Variants in PDE10A observed in about 807,000 individuals in gnomAD.
PDE10A encodes cAMP and cAMP-inhibited cGMP 3',5'-cyclic phosphodiesterase 10A.
A neutral mutation model predicts 97.7 loss-of-function variants in PDE10A; 39 were observed. That is an observed-to-expected ratio of 0.40 (90% confidence interval 0.31 to 0.52). The LOEUF (loss-of-function observed/expected upper bound fraction) is 0.52. Among genes scored for constraint, PDE10A ranks in the 20% least tolerant of loss-of-function variants. The pLI is 0.56. For missense variants in PDE10A, 731 were observed against 1,047.8 expected (o/e 0.70, Z 4.17); for synonymous variants, 371 against 376.8 (o/e 0.98, Z 0.18).
At chr6:165,959,089 G>A (rs1405241228) in intron 1 of PDE10A, among the ~76,000 whole-genome samples, 1 of 152,190 alleles carries the variant, frequency 6.6e-6, no homozygotes, top group Non-Finnish European at 1.5e-5. Context: ...GTTTCCTTCT[G>A]AACATAGCAG....
At chr6:165,622,584 GACC>G (rs1019803580) in intron 1 of PDE10A, among the ~76,000 whole-genome samples, 4 of 152,134 alleles carry the variant, frequency 2.6e-5, no homozygotes, top group South Asian at 4.1e-4. Flanking sequence ...AATCTTATGT[GACC>G]ACCATCATAT....
At chr6:165,784,275 C>T (rs900069450) in intron 1 of PDE10A, among the ~76,000 whole-genome samples, 9 of 151,934 alleles carry the variant, frequency 5.9e-5, no homozygotes, top group Non-Finnish European at 1.2e-4. Context: ...GCCTTTAACT[C>T]AGTGGACGTG....
chr6:165,600,393 G>C (rs796981712), intron 1 of PDE10A, among the ~76,000 whole-genome samples: 4 of 152,346 alleles, frequency 2.6e-5, no homozygotes, highest in African/African-American at 9.6e-5. Context: ...AGTTCCAACT[G>C]AACCCAATGA....
intron 1 of PDE10A, among the ~76,000 whole-genome samples, chr6:165,676,248 G>A (rs1208369498): frequency 6.6e-6 from 1 of 152,210 alleles, no homozygotes; most frequent in Non-Finnish European, 1.5e-5. Flanking sequence ...GTGGGAGGGA[G>A]GTGGGGGATA....
intron 8 of PDE10A, 54 bp downstream of exon 8, chr6:165,431,368 C>G: frequency 8.0e-7 from 1 of 1,252,760 alleles, no homozygotes. Flanking sequence ...ATGCCTCACT[C>G]CAAAAACCTC....
chr6:165,888,920 G>T (rs1174910902), intron 1 of PDE10A, among the ~76,000 whole-genome samples: 1 of 152,196 alleles, frequency 6.6e-6, no homozygotes, highest in African/African-American at 2.4e-5. Flanking sequence ...CCACATCTGT[G>T]AACATGGCAG....
chr6:165,872,877 G>C (rs537325790), intron 1 of PDE10A, among the ~76,000 whole-genome samples: 1 of 152,268 alleles, frequency 6.6e-6, no homozygotes, highest in Admixed American at 6.5e-5. Flanking sequence ...TGTGCTTGTG[G>C]ACATCCCCAG....
intron 1 of PDE10A, among the ~76,000 whole-genome samples, chr6:165,820,213 C>A (rs562125853): frequency 4.6e-5 from 7 of 152,110 alleles, no homozygotes; most frequent in Non-Finnish European, 8.8e-5. Flanking sequence ...AATGTTCTAA[C>A]GGAATTATTA....
intron 1 of PDE10A, among the ~76,000 whole-genome samples, chr6:165,944,819 A>T (rs1483800668): frequency 6.6e-6 from 1 of 152,200 alleles, no homozygotes; most frequent in East Asian, 1.9e-4. Flanking sequence ...TCACTGTGCA[A>T]AGAAAATTTT....
intron 1 of PDE10A, among the ~76,000 whole-genome samples, chr6:165,918,637 T>C (rs1233385824): frequency 6.6e-6 from 1 of 152,278 alleles, no homozygotes; most frequent in African/African-American, 2.4e-5. Context: ...TATGTGCCTA[T>C]AGTAGCTCAT....
At chr6:165,646,762 A>G (rs1035889051) in intron 1 of PDE10A, among the ~76,000 whole-genome samples, 1 of 151,366 alleles carries the variant, frequency 6.6e-6, no homozygotes, top group South Asian at 2.1e-4. Context: ...ACAGCTGCAC[A>G]ATGGACGCCT....
At chr6:165,913,895 A>C (rs1211009774) in intron 1 of PDE10A, among the ~76,000 whole-genome samples, 4 of 152,234 alleles carry the variant, frequency 2.6e-5, no homozygotes, top group Non-Finnish European at 5.9e-5. Flanking sequence ...TTTCGCAAAG[A>C]GATTTTATCT....
chr6:165,943,254 G>A (rs182966612), intron 1 of PDE10A, among the ~76,000 whole-genome samples: 2,975 of 70,702 alleles, frequency 0.042, 190 homozygotes, highest in East Asian at 0.083. Context: ...AAGGAAGGAA[G>A]GAAGGAAGGA....
intron 1 of PDE10A, among the ~76,000 whole-genome samples, chr6:165,933,181 A>G (rs1258057417): frequency 6.6e-6 from 1 of 152,162 alleles, no homozygotes; most frequent in African/African-American, 2.4e-5. Context: ...ATGGCTTTAC[A>G]GGGTGTCTAG....
intron 1 of PDE10A, among the ~76,000 whole-genome samples, chr6:165,592,892 A>C (rs528533964): frequency 6.6e-6 from 1 of 152,160 alleles, no homozygotes; most frequent in South Asian, 2.1e-4. Flanking sequence ...TCAGTGTGGC[A>C]ATTCCTCAGG....
At position 165,331,692 on chromosome 6, in the gene PDE10A, G is replaced by A. The variant is rs1374727706; in HGVS notation, c.*1333C>T. On this transcript the variant is annotated 3_prime_UTR_variant, in exon 22 of 22. Transcript: ENST00000539869. ...TTTAAATTATTAAAATGCGCCAGAAGTGACTGCTTTATCATCTTTGTAGGA... is the reference window on the plus strand; with the variant it reads ...TTTAAATTATTAAAATGCGCCAGAAATGACTGCTTTATCATCTTTGTAGGA... 1 of 152,218 alleles carries A rather than the reference G, an allele frequency of 6.6e-6. No homozygotes were observed. The highest frequency in any genetic ancestry group is 2.4e-5 in the African/African-American group (1 of 41,456). 9.4% of individuals were successfully genotyped at this position (152,218 alleles called of 1,614,324 possible).
intron 1 of PDE10A, among the ~76,000 whole-genome samples, chr6:165,742,067 C>T (rs1424011637): frequency 1.3e-5 from 2 of 152,122 alleles, no homozygotes; most frequent in Admixed American, 1.3e-4. Flanking sequence ...TTATCAAATG[C>T]GTAAGTACTC....
At position 165,661,658 on chromosome 6, in the gene PDE10A, G is replaced by C. The variant is rs1790270789; in HGVS notation, c.865+289C>G. On this transcript the variant is annotated intron_variant, in intron 1 of 21. Coordinates refer to ENST00000539869, the MANE Select transcript of PDE10A (RefSeq NM_001385079.1). This position sits in a 1 kb window ranked among gnomAD's most constrained non-coding sequence, Gnocchi z 4.8. Reference sequence around the variant, plus strand: ...CGGCACGAGGGGCGGAGAAGGAGGCGGCAGGTCCCGCTCGCAACGTCCAAG... The same window carrying C: ...CGGCACGAGGGGCGGAGAAGGAGGCCGCAGGTCCCGCTCGCAACGTCCAAG... The C allele has an allele frequency of 2.5e-6, 1 of 398,082 alleles. No individual in the cohort carries two copies. The highest frequency in any genetic ancestry group is 4.4e-6 in the Non-Finnish European group (1 of 225,534). The allele number at this position is 398,082 out of a possible 1,614,324, so 24.7% of individuals were successfully genotyped here. A position where few individuals can be genotyped will look rare whatever the true frequency, so the allele number is the denominator to read the frequency against.
intron 3 of PDE10A, among the ~76,000 whole-genome samples, chr6:165,462,456 G>A (rs1180304191): frequency 6.6e-6 from 1 of 152,132 alleles, no homozygotes; most frequent in Non-Finnish European, 1.5e-5. Flanking sequence ...AATAACTTGG[G>A]GTAAAGGTTA....
Sources: allele counts gnomAD v4.1 joint callset (sites outside exome capture counted in the v4.1 genomes callset), GRCh38; gene constraint gnomAD v4.1.1; non-coding constraint Gnocchi (gnomAD v3.1); transcripts MANE v1.5; gene names NCBI Gene and HGNC (gene_info 2026-07-23, HGNC 2026-07-21).